KLHL1: variants seen among roughly 807,000 people sequenced by gnomAD.
The protein encoded by KLHL1 is kelch like family member 1, also known as kelch-like protein 1.
In KLHL1, 47 loss-of-function variants were observed where a neutral mutation model predicts 77.7. The ratio of observed to expected loss-of-function variants is 0.60; its 90% confidence interval spans 0.48 to 0.77. The LOEUF is 0.77. Ranked by LOEUF, KLHL1 falls within the 30% of genes least tolerant of loss-of-function variation. The probability of loss-of-function intolerance (pLI) is 0.00; values close to 1 mark genes in which losing one functional copy is unlikely to be tolerated. For missense variants in KLHL1, 925 were observed against 910.8 expected (o/e 1.02, Z -0.20); for synonymous variants, 360 against 325.2 (o/e 1.11, Z -1.15).
intron 7 of KLHL1, among the ~76,000 whole-genome samples, chr13:69,780,715 T>TATATATATATATAC (rs1566243724): frequency 4.7e-4 from 13 of 27,796 alleles, no homozygotes; most frequent in Non-Finnish European, 7.2e-4. Flanking sequence ...TATATATATA[T>TATATATATATATAC]GTATATATAT....
At chr13:69,871,178 T>TG in intron 5 of KLHL1, among the ~76,000 whole-genome samples, 1 of 152,252 alleles carries the variant, frequency 6.6e-6, no homozygotes, top group South Asian at 2.1e-4. Context: ...GCTTACCACT[T>TG]GTGCCCTCCG....
chr13:69,865,070 C>G (rs1340086150), intron 5 of KLHL1, among the ~76,000 whole-genome samples: 1 of 152,080 alleles, frequency 6.6e-6, no homozygotes, highest in Non-Finnish European at 1.5e-5. Flanking sequence ...CCTCAGCCTC[C>G]TGAGTAGCTG....
At chr13:70,081,304 C>A (rs941153419) in intron 1 of KLHL1, among the ~76,000 whole-genome samples, 2 of 152,158 alleles carry the variant, frequency 1.3e-5, no homozygotes, top group Non-Finnish European at 2.9e-5. Context: ...TATTATATCT[C>A]GGGTTTTTTT....
At chr13:69,900,766 T>C (rs1298159015) in intron 4 of KLHL1, among the ~76,000 whole-genome samples, 1 of 152,264 alleles carries the variant, frequency 6.6e-6, no homozygotes, top group East Asian at 1.9e-4. Flanking sequence ...ATCCCATTGA[T>C]TGACAGCTCT....
intron 8 of KLHL1, among the ~76,000 whole-genome samples, chr13:69,726,147 C>T (rs1023538512): frequency 1.3e-5 from 2 of 152,112 alleles, no homozygotes; most frequent in African/African-American, 2.4e-5. Context: ...ACTCCCATAC[C>T]ATTATGTAAA....
intron 1 of KLHL1, among the ~76,000 whole-genome samples, chr13:70,076,387 C>CTTTTTTTTTTTTTTTT (rs34821978): frequency 7.1e-6 from 1 of 139,866 alleles, no homozygotes. Context: ...AAAGGATAAT[C>CTTTTTTTTTTTTTTTT]TTTTTTTTTT....
intron 3 of KLHL1, among the ~76,000 whole-genome samples, chr13:69,948,020 A>C (rs1160179626): frequency 6.6e-6 from 1 of 152,140 alleles, no homozygotes; most frequent in Admixed American, 6.6e-5. Flanking sequence ...TTAAAAATAC[A>C]TGATAGCCAT....
At chr13:70,061,327 A>G (rs1886879230) in intron 1 of KLHL1, among the ~76,000 whole-genome samples, 1 of 135,928 alleles carries the variant, frequency 7.4e-6, no homozygotes, top group South Asian at 2.7e-4. Flanking sequence ...TTTCCTTGGC[A>G]GTCCTGAATT....
intron 6 of KLHL1, among the ~76,000 whole-genome samples, chr13:69,834,313 T>A (rs771692614): frequency 6.6e-6 from 1 of 151,994 alleles, no homozygotes; most frequent in Non-Finnish European, 1.5e-5. Context: ...TATATATGTA[T>A]GTATTTATGT....
intron 1 of KLHL1, among the ~76,000 whole-genome samples, chr13:70,013,312 C>T (rs189915900): frequency 3.3e-5 from 5 of 152,214 alleles, no homozygotes; most frequent in East Asian, 1.9e-4. Context: ...GCAGAGAACC[C>T]GTCAGCAAAT....
intron 7 of KLHL1, among the ~76,000 whole-genome samples, chr13:69,787,404 T>A (rs963794047): frequency 4.6e-5 from 7 of 152,106 alleles, no homozygotes; most frequent in Non-Finnish European, 8.8e-5. Flanking sequence ...AAACAAGCAA[T>A]GGGGAAAGGA....
intron 6 of KLHL1, among the ~76,000 whole-genome samples, chr13:69,827,310 G>A (rs567298521): frequency 6.6e-6 from 1 of 151,730 alleles, no homozygotes; most frequent in African/African-American, 2.4e-5. Flanking sequence ...TATTTAGCTG[G>A]CCTGAGATTT....
intron 4 of KLHL1, among the ~76,000 whole-genome samples, chr13:69,906,511 T>G (rs1882050857): frequency 6.6e-6 from 1 of 152,064 alleles, no homozygotes; most frequent in Admixed American, 6.6e-5. Context: ...ATATATTGAG[T>G]GTTTTCTTTA....
intron 6 of KLHL1, among the ~76,000 whole-genome samples, chr13:69,835,768 T>C (rs1050563986): frequency 6.6e-6 from 1 of 152,008 alleles, no homozygotes; most frequent in Non-Finnish European, 1.5e-5. Context: ...GTTGAAATTA[T>C]TAGCCCCAGG....
At chr13:69,832,297 C>G (rs1878792674) in intron 6 of KLHL1, among the ~76,000 whole-genome samples, 1 of 149,904 alleles carries the variant, frequency 6.7e-6, no homozygotes, top group Non-Finnish European at 1.5e-5. Flanking sequence ...CACCATTATA[C>G]ACCAACAGCG....
rs574415711 is a variant in KLHL1 at position 70,012,867 on chromosome 13, C to A, written c.498-37065G>T. 5.9e-5 allele frequency among the ~76,000 whole-genome samples: 9 copies of A among 151,648 alleles called. No homozygotes were observed. The East Asian group carries it at 1.6e-3, about 26-fold the overall frequency. ...GCAGTGAGGTGAGATCTCGCCCCTG[C>A]ACTCCAGCCTGGTTGACAGAGCAAG... On this transcript the variant is annotated intron_variant, in intron 1 of 10. Transcript: ENST00000377844.
At chr13:69,704,409 C>T (rs1875535998) in intron 10 of KLHL1, among the ~76,000 whole-genome samples, 1 of 151,692 alleles carries the variant, frequency 6.6e-6, no homozygotes, top group Non-Finnish European at 1.5e-5. Context: ...TAAACCACAT[C>T]TATCTCTCAA....
At chr13:70,014,149 G>T (rs904761499) in intron 1 of KLHL1, among the ~76,000 whole-genome samples, 1 of 151,988 alleles carries the variant, frequency 6.6e-6, no homozygotes, top group Non-Finnish European at 1.5e-5. Context: ...TACTTATGTG[G>T]AGTAACAAAT....
intron 1 of KLHL1, among the ~76,000 whole-genome samples, chr13:70,100,484 C>G (rs1887899662): frequency 2.0e-5 from 3 of 152,008 alleles, no homozygotes; most frequent in African/African-American, 7.2e-5. Context: ...ATATGACAAA[C>G]TTGTATTCAA....
Sources: allele counts gnomAD v4.1 joint callset (sites outside exome capture counted in the v4.1 genomes callset), GRCh38; gene constraint gnomAD v4.1.1; transcripts MANE v1.5; gene names NCBI Gene and HGNC (gene_info 2026-07-23, HGNC 2026-07-21).